The following GABRA4 variants were observed in gnomAD, a reference collection of about 807,000 sequenced individuals.
The protein encoded by GABRA4 is gamma-aminobutyric acid receptor subunit alpha-4.
Under a neutral mutation model 49.7 loss-of-function variants are expected in GABRA4, and 12 were observed. That is an observed-to-expected ratio of 0.24 (90% confidence interval 0.15 to 0.39). The LOEUF (loss-of-function observed/expected upper bound fraction) is 0.39, where lower values mean the gene tolerates loss of function less well. Ranked by LOEUF, GABRA4 falls within the 10% of genes least tolerant of loss-of-function variation. GABRA4 has a pLI of 1.00. For synonymous variants in GABRA4, 288 were observed against 240.2 expected, an observed-to-expected ratio of 1.20 and a Z score of -1.84; for missense variants, 506 against 686.0, an observed-to-expected ratio of 0.74 and a Z score of 2.93.
At chr4:46,983,152 T>C (rs1723416774) in intron 2 of GABRA4, among the ~76,000 whole-genome samples, 1 of 152,064 alleles carries the variant, frequency 6.6e-6, no homozygotes, top group Non-Finnish European at 1.5e-5. Context: ...CCCCCTTGTA[T>C]TGATCTCCAA....
At chr4:46,935,385 C>G (rs1284839928) in intron 8 of GABRA4, among the ~76,000 whole-genome samples, 1 of 152,146 alleles carries the variant, frequency 6.6e-6, no homozygotes, top group Non-Finnish European at 1.5e-5. Context: ...AGCTTAATGT[C>G]TAGCACATAG....
At chr4:46,947,310 G>T (rs190911709) in intron 8 of GABRA4, among the ~76,000 whole-genome samples, 4 of 152,150 alleles carry the variant, frequency 2.6e-5, no homozygotes, top group Admixed American at 2.0e-4. Context: ...CACGCCGTCT[G>T]TGGAAGGTCT....
Position 46,993,409 on chromosome 4 carries a change from T to G in GABRA4, c.16A>C (p.Lys6Gln). 1 of 1,614,142 alleles carries G rather than the reference T, an allele frequency of 6.2e-7. No homozygotes were observed. Among genetic ancestry groups the G allele is most frequent in the Non-Finnish European group, 8.5e-7 (1 of 1,180,008 alleles). Residue 6 changes from lysine to glutamine, a missense_variant, in exon 1 of 9, where the codon AAG becomes CAG. Coordinates refer to ENST00000264318, the MANE Select transcript of GABRA4 (RefSeq NM_000809.4). Reference sequence around the variant, plus strand: ...GCGGACAGAGCGATCGCGGGTACCTTCTTGGCAGAAACCATCTTTGCAACA... The same window carrying G: ...GCGGACAGAGCGATCGCGGGTACCTGCTTGGCAGAAACCATCTTTGCAACA... The part of the protein sequence containing the change: MVSAK[K>Q]VPAIALSAGV...
intron 8 of GABRA4, among the ~76,000 whole-genome samples, chr4:46,943,809 A>G (rs1242456983): frequency 2.0e-5 from 3 of 152,158 alleles, no homozygotes; most frequent in South Asian, 2.1e-4. Context: ...ATTTATTTAT[A>G]TATTTTTAAT....
intron 5 of GABRA4, among the ~76,000 whole-genome samples, chr4:46,975,270 C>A (rs912294682): frequency 6.6e-6 from 1 of 151,940 alleles, no homozygotes; most frequent in Non-Finnish European, 1.5e-5. Context: ...GAGTTGACAC[C>A]TAAGAGCACC....
chr4:46,971,903 A>G (rs1188286818), intron 6 of GABRA4, among the ~76,000 whole-genome samples: 1 of 151,472 alleles, frequency 6.6e-6, no homozygotes, highest in Non-Finnish European at 1.5e-5. Flanking sequence ...GCATTTAGAC[A>G]AAAACCTGAA....
At chr4:46,992,133 G>A (rs902923917) in intron 2 of GABRA4, among the ~76,000 whole-genome samples, 1 of 152,144 alleles carries the variant, frequency 6.6e-6, no homozygotes, top group African/African-American at 2.4e-5. Context: ...CATTATATAT[G>A]CAAAGGAAAT....
intron 7 of GABRA4, among the ~76,000 whole-genome samples, chr4:46,970,590 G>A (rs1033420013): frequency 6.6e-6 from 1 of 151,270 alleles, no homozygotes; most frequent in Non-Finnish European, 1.5e-5. Context: ...AAATATATGA[G>A]CTTATAAACT....
chr4:46,969,389 CTT>C (rs869110537), intron 7 of GABRA4, among the ~76,000 whole-genome samples: 10 of 151,574 alleles, frequency 6.6e-5, no homozygotes, highest in African/African-American at 2.4e-4. Flanking sequence ...AGTTAAGAGA[CTT>C]TGGATGCTCA....
At chr4:46,930,821 A>C (rs1721402456) in intron 8 of GABRA4, among the ~76,000 whole-genome samples, 1 of 151,846 alleles carries the variant, frequency 6.6e-6, no homozygotes, top group Admixed American at 6.6e-5. Context: ...TGACCCCCAA[A>C]ACTTAAAACA....
chr4:46,966,091 T>C (rs1219842342), intron 7 of GABRA4, among the ~76,000 whole-genome samples: 1 of 151,880 alleles, frequency 6.6e-6, no homozygotes, highest in East Asian at 2.0e-4. Flanking sequence ...TTGCCACTGG[T>C]ACTATAGAGT....
intron 8 of GABRA4, among the ~76,000 whole-genome samples, chr4:46,948,829 A>G (rs560037982): frequency 5.3e-5 from 8 of 152,222 alleles, no homozygotes; most frequent in Admixed American, 2.0e-4. Context: ...AGATCCCAGC[A>G]GGTGGAATAA....
In GABRA4 at chr4:46,971,073, T is replaced by C. The variant is rs1373144589; in HGVS notation, c.874+10A>G. 6.3e-7 allele frequency: 1 copy of C among 1,597,208 alleles called. No homozygotes were observed. The highest frequency in any genetic ancestry group is 2.2e-5 in the East Asian group (1 of 44,496). ...TGAACAAAAACGCCCAAGAAATGAA[T>C]TGCAATTACCAAATACAGTCCTAGC... On this transcript the variant is annotated intron_variant, in intron 7 of 8. Transcript: ENST00000264318.
At chr4:46,935,782 C>G (rs949597023) in intron 8 of GABRA4, among the ~76,000 whole-genome samples, 19 of 151,996 alleles carry the variant, frequency 1.3e-4, no homozygotes, top group Admixed American at 1.1e-3. Context: ...CAAACCTGCA[C>G]GTTCTGCACA....
chr4:46,931,992 CA>C (rs1721453230), intron 8 of GABRA4, among the ~76,000 whole-genome samples: 1 of 152,058 alleles, frequency 6.6e-6, no homozygotes. Flanking sequence ...CCTGAAGTAT[CA>C]TTTTTTTTGT....
At chr4:46,933,254 T>C (rs993451515) in intron 8 of GABRA4, among the ~76,000 whole-genome samples, 1 of 152,184 alleles carries the variant, frequency 6.6e-6, no homozygotes, top group Non-Finnish European at 1.5e-5. Flanking sequence ...ATTTGATAAA[T>C]TGCATTAAAA....
At chr4:46,960,344 T>C (rs1048947206) in intron 8 of GABRA4, among the ~76,000 whole-genome samples, 6 of 151,692 alleles carry the variant, frequency 4.0e-5, no homozygotes, top group Admixed American at 2.0e-4. Flanking sequence ...TGGGAGAATT[T>C]TTCAAATATT....
chr4:46,933,017 C>G (rs1013029050), intron 8 of GABRA4, among the ~76,000 whole-genome samples: 1 of 151,852 alleles, frequency 6.6e-6, no homozygotes, highest in Non-Finnish European at 1.5e-5. Flanking sequence ...AGAGGAGAGT[C>G]TAAGCAAAAA....
chr4:46,958,079 C>A (rs1161348685), intron 8 of GABRA4, among the ~76,000 whole-genome samples: 3 of 151,704 alleles, frequency 2.0e-5, no homozygotes, highest in African/African-American at 7.3e-5. Flanking sequence ...AATGTCTATT[C>A]TTAATAGAGA....
Sources: gnomAD v4.1 joint callset for allele counts (sites outside exome capture counted in the v4.1 genomes callset) on GRCh38, gnomAD v4.1.1 for gene constraint, MANE v1.5 for transcripts, NCBI Gene and HGNC (gene_info 2026-07-23, HGNC 2026-07-21) for gene names.